EPSTI1: variants seen among roughly 807,000 people sequenced by gnomAD.
EPSTI1 encodes the protein epithelial-stromal interaction protein 1.
A neutral mutation model predicts 49.9 loss-of-function variants in EPSTI1; 66 were observed. The ratio of observed to expected loss-of-function variants is 1.32; its 90% CI spans 1.08 to 1.62. The LOEUF is 1.62. Ranked by LOEUF, EPSTI1 falls within the 40% of genes most tolerant of loss-of-function variation. The pLI, the probability that EPSTI1 is intolerant of heterozygous loss-of-function variation, is 0.00. For synonymous variants in EPSTI1, 137 were observed against 130.7 expected (o/e 1.05, Z -0.33); for missense variants, 394 against 365.5 (o/e 1.08, Z -0.64).
intron 1 of EPSTI1, among the ~76,000 whole-genome samples, chr13:42,971,355 GCA>G (rs2039762942): frequency 6.6e-6 from 1 of 152,294 alleles, no homozygotes; most frequent in East Asian, 1.9e-4. Flanking sequence ...CAAGCCCCTG[GCA>G]CAGTGTCTGG....
At chr13:42,977,916 C>T (rs375258091) in intron 1 of EPSTI1, among the ~76,000 whole-genome samples, 1 of 152,012 alleles carries the variant, frequency 6.6e-6, no homozygotes, top group Non-Finnish European at 1.5e-5. Context: ...TTTGGGAGGC[C>T]GTGGCAGGCA....
At chr13:42,967,798 C>T (rs960932223) in intron 3 of EPSTI1, among the ~76,000 whole-genome samples, 1 of 152,126 alleles carries the variant, frequency 6.6e-6, no homozygotes, top group African/African-American at 2.4e-5. Flanking sequence ...CACTGCATTA[C>T]GAACCCCGAA....
At position 42,991,977 on chromosome 13, in the gene EPSTI1, C is replaced by G. The variant is rs1222932826; in HGVS notation, c.188+1G>C. 4 of 1,612,666 alleles carry G rather than the reference C, an allele frequency of 2.5e-6. No homozygotes were observed. The highest frequency in any genetic ancestry group is 3.4e-6 in the Non-Finnish European group (4 of 1,179,838). On this transcript the variant is annotated splice_donor_variant, in intron 1 of 10. Transcript: ENST00000313624. LOFTEE classifies it high-confidence loss of function. ...CGAAGCCAGGTTGTTAAAATACTCACCGCCTCTGGCCCGCGTGCACGACGC... is the reference window on the plus strand; with the variant it reads ...CGAAGCCAGGTTGTTAAAATACTCAGCGCCTCTGGCCCGCGTGCACGACGC...
At chr13:42,958,124 G>T (rs1594726638) in intron 5 of EPSTI1, among the ~76,000 whole-genome samples, 1 of 152,300 alleles carries the variant, frequency 6.6e-6, no homozygotes, top group East Asian at 1.9e-4. Flanking sequence ...TAGAACCAGA[G>T]AAGCATTAGA....
intron 7 of EPSTI1, among the ~76,000 whole-genome samples, chr13:42,923,134 G>A (rs1235043407): frequency 1.3e-5 from 2 of 152,226 alleles, no homozygotes; most frequent in Non-Finnish European, 2.9e-5. Flanking sequence ...GAGGGACAGA[G>A]AGAGGAAAGG....
chr13:42,911,358 T>A (rs1047161686), intron 8 of EPSTI1, among the ~76,000 whole-genome samples: 2 of 152,158 alleles, frequency 1.3e-5, no homozygotes, highest in Non-Finnish European at 2.9e-5. Flanking sequence ...TTCTAAAATG[T>A]TTCATCTTTT....
intron 1 of EPSTI1, among the ~76,000 whole-genome samples, chr13:42,985,514 T>G (rs2040061419): frequency 6.6e-6 from 1 of 152,208 alleles, no homozygotes; most frequent in South Asian, 2.1e-4. Flanking sequence ...TTGACACAAG[T>G]GACCTCATTT....
At chr13:42,925,867 C>T (rs2038155305) in intron 7 of EPSTI1, among the ~76,000 whole-genome samples, 1 of 152,176 alleles carries the variant, frequency 6.6e-6, no homozygotes, top group South Asian at 2.1e-4. Context: ...GGCAGTAGTG[C>T]TTTCTTATTG....
At chr13:42,980,500 A>G (rs1030729733) in intron 1 of EPSTI1, among the ~76,000 whole-genome samples, 18 of 152,234 alleles carry the variant, frequency 1.2e-4, no homozygotes, top group African/African-American at 4.3e-4. Flanking sequence ...CAGGCAAGAG[A>G]GCACGTGCAG....
At chr13:42,930,524 T>A (rs1256482906) in intron 6 of EPSTI1, among the ~76,000 whole-genome samples, 2 of 152,088 alleles carry the variant, frequency 1.3e-5, no homozygotes, top group Non-Finnish European at 2.9e-5. Flanking sequence ...ATTTAAGAAA[T>A]CACAAGAACA....
At chr13:42,889,315 T>C in intron 10 of EPSTI1, 1 of 931,250 alleles carries the variant, frequency 1.1e-6, no homozygotes, top group Non-Finnish European at 1.6e-6. Flanking sequence ...TGTTAAGAAA[T>C]ATGAGAAGAC....
Position 42,956,816 on chromosome 13 carries a change from GAAC to G in EPSTI1, c.490-2798_490-2796del, listed in dbSNP as rs564781103. Among the ~76,000 whole-genome samples, 63 of 152,270 alleles carry G rather than the reference GAAC, an allele frequency of 4.1e-4. 2 individuals carry two copies. In the South Asian group the frequency reaches 0.013, roughly 31 times the overall value. ...AACCCAAGAAGCTCATGGATAAATT[GAAC>G]AACGTTTATAGAGAAAGGAGTAGAA... On this transcript the variant is annotated intron_variant, in intron 5 of 10. Coordinates refer to ENST00000313624, the MANE Select transcript of EPSTI1 (RefSeq NM_033255.5).
At chr13:42,936,612 T>C (rs754772166) in intron 6 of EPSTI1, among the ~76,000 whole-genome samples, 17 of 152,262 alleles carry the variant, frequency 1.1e-4, no homozygotes, top group Non-Finnish European at 1.8e-4. Flanking sequence ...CCTCTGTATT[T>C]GGTCCTGGGC....
chr13:42,953,906 A>G, intron 6 of EPSTI1, 42 bp downstream of exon 6: 2 of 1,509,498 alleles, frequency 1.3e-6, no homozygotes, highest in Non-Finnish European at 1.8e-6. Flanking sequence ...TCTATGAACA[A>G]TCTGCCTATA....
At chr13:42,991,413 G>A (rs35830849) in intron 1 of EPSTI1, among the ~76,000 whole-genome samples, 28,164 of 152,130 alleles carry the variant, frequency 0.19, 2,721 homozygotes, top group Middle Eastern at 0.34. Context: ...AGCCTCCCAG[G>A]TAGCTGGGAC....
At chr13:42,941,629 A>C (rs2038753726) in intron 6 of EPSTI1, among the ~76,000 whole-genome samples, 1 of 150,288 alleles carries the variant, frequency 6.7e-6, no homozygotes, top group Non-Finnish European at 1.5e-5. Context: ...AAAAAAAAAA[A>C]CAGAAAAAAA....
At chr13:42,893,662 T>C (rs1046880210) in intron 10 of EPSTI1, among the ~76,000 whole-genome samples, 6 of 152,206 alleles carry the variant, frequency 3.9e-5, no homozygotes, top group Admixed American at 3.3e-4. Flanking sequence ...CAGAAGCCTA[T>C]GCAATATCCA....
chr13:42,977,764 A>G (rs1056971770), intron 1 of EPSTI1, among the ~76,000 whole-genome samples: 1 of 152,276 alleles, frequency 6.6e-6, no homozygotes, highest in Admixed American at 6.5e-5. Flanking sequence ...CAGTTTTTCT[A>G]TTTTTTCACC....
chr13:42,892,537 C>T (rs7996318), intron 10 of EPSTI1, among the ~76,000 whole-genome samples: 145,661 of 152,236 alleles, frequency 0.96, 69,988 homozygotes, highest in East Asian at 1. Flanking sequence ...AATGTGCAGA[C>T]AGAGCACTAG....
Sources: gnomAD v4.1 joint callset for allele counts (sites outside exome capture counted in the v4.1 genomes callset) on GRCh38, gnomAD v4.1.1 for gene constraint, MANE v1.5 for transcripts, NCBI Gene and HGNC (gene_info 2026-07-23, HGNC 2026-07-21) for gene names.